The following OSBPL10 variants were observed in gnomAD, a reference collection of about 807,000 sequenced individuals.
The protein encoded by OSBPL10 is oxysterol-binding protein-related protein 10.
OSBPL10 carries 49 observed loss-of-function variants against 81.7 expected under a neutral mutation model. The ratio of observed to expected loss-of-function variants is 0.60; its 90% CI spans 0.48 to 0.76. The LOEUF (loss-of-function observed/expected upper bound fraction) is 0.76, where lower values mean the gene tolerates loss of function less well. Ranked by LOEUF, OSBPL10 falls within the 30% of genes least tolerant of loss-of-function variation. The probability of loss-of-function intolerance (pLI) is 0.00; values close to 1 mark genes in which losing one functional copy is unlikely to be tolerated. For synonymous variants in OSBPL10, 419 were observed against 383.6 expected, an observed-to-expected ratio of 1.09 and a Z score of -1.08; for missense variants, 923 against 987.8, an observed-to-expected ratio of 0.93 and a Z score of 0.88.
intron 1 of OSBPL10, among the ~76,000 whole-genome samples, chr3:31,902,723 T>C (rs894126570): frequency 1.3e-5 from 2 of 152,120 alleles, no homozygotes; most frequent in Non-Finnish European, 2.9e-5. Flanking sequence ...CCACCACGCC[T>C]GGCTAATTTT....
chr3:31,702,120 T>C (rs1695913391), intron 7 of OSBPL10, among the ~76,000 whole-genome samples: 1 of 152,092 alleles, frequency 6.6e-6, no homozygotes, highest in Non-Finnish European at 1.5e-5. Context: ...CCTTGTAGAG[T>C]AGCAACAACT....
At chr3:31,965,851 A>ATAGATTATATATATTATATAAAT (rs1467396829) in intron 1 of OSBPL10, among the ~76,000 whole-genome samples, 1 of 61,726 alleles carries the variant, frequency 1.6e-5, no homozygotes, top group Non-Finnish European at 2.6e-5. Flanking sequence ...ATTATATAAA[A>ATAGATTATATATATTATATAAAT]AGATAATATA....
intron 4 of OSBPL10, among the ~76,000 whole-genome samples, chr3:31,827,055 T>A (rs1700118560): frequency 6.6e-6 from 1 of 152,104 alleles, no homozygotes; most frequent in African/African-American, 2.4e-5. Context: ...CCAAACCAAA[T>A]GGCTATAGAG....
chr3:32,065,380 T>G lies in OSBPL10; in HGVS notation n.185+12016A>C, dbSNP rs1212954686. On this transcript the variant is annotated intron_variant and non_coding_transcript_variant, in intron 1 of 3. Coordinates refer to the OSBPL10 transcript ENST00000479173. Reference sequence around the variant, plus strand: ...GAAATATGCTCAGATCTGGGTTTCATAAAGCGCTGGAGGTATGTGACCTAC... The same window carrying G: ...GAAATATGCTCAGATCTGGGTTTCAGAAAGCGCTGGAGGTATGTGACCTAC... 2 of 92,330 alleles carry G rather than the reference T, an allele frequency of 2.2e-5. 1 individual carries two copies. Among genetic ancestry groups the G allele is most frequent in the Non-Finnish European group, 5.8e-5 (2 of 34,494 alleles). The allele number at this position is 92,330 out of a possible 1,614,324, so 5.7% of individuals were successfully genotyped here.
chr3:31,920,247 ATT>A (rs1559518492), intron 1 of OSBPL10, among the ~76,000 whole-genome samples: 1 of 152,330 alleles, frequency 6.6e-6, no homozygotes, highest in East Asian at 1.9e-4. Flanking sequence ...TGTGACATGC[ATT>A]TGTCAAAATT....
At chr3:31,783,372 T>G (rs1467395817) in intron 4 of OSBPL10, among the ~76,000 whole-genome samples, 1 of 151,512 alleles carries the variant, frequency 6.6e-6, no homozygotes, top group African/African-American at 2.4e-5. Flanking sequence ...GTTGGGACAG[T>G]GAGGAAATAA....
At chr3:31,744,067 AGTGGGTAGCATAG>A (rs1697443379) in intron 5 of OSBPL10, among the ~76,000 whole-genome samples, 1 of 152,154 alleles carries the variant, frequency 6.6e-6, no homozygotes, top group South Asian at 2.1e-4. Context: ...GCTTTCCCCC[AGTGGGTAGCATAG>A]ATTTAAGACA....
intron 2 of OSBPL10, chr3:31,990,800 C>G (rs759351448): frequency 1.2e-6 from 2 of 1,608,758 alleles, no homozygotes; most frequent in Middle Eastern, 1.7e-4. Flanking sequence ...TTTGACGAGG[C>G]CTTCAGTCAA....
chr3:32,006,894 A>C (rs1699211416), intron 2 of OSBPL10, among the ~76,000 whole-genome samples: 1 of 152,044 alleles, frequency 6.6e-6, no homozygotes, highest in African/African-American at 2.4e-5. Context: ...CTATTCATGG[A>C]TATTTCCTCT....
chr3:32,019,807 A>T (rs1699345930), intron 2 of OSBPL10, among the ~76,000 whole-genome samples: 1 of 152,240 alleles, frequency 6.6e-6, no homozygotes, highest in Non-Finnish European at 1.5e-5. Flanking sequence ...CTCCATGATC[A>T]ATAGCTTCAA....
intron 1 of OSBPL10, among the ~76,000 whole-genome samples, chr3:31,920,356 C>T (rs887341013): frequency 2.6e-5 from 4 of 152,082 alleles, no homozygotes; most frequent in African/African-American, 4.8e-5. Flanking sequence ...AAGAACCCAG[C>T]CTGTGACAAA....
At chr3:31,939,401 C>T (rs1292722395) in intron 1 of OSBPL10, among the ~76,000 whole-genome samples, 1 of 151,762 alleles carries the variant, frequency 6.6e-6, no homozygotes, top group Non-Finnish European at 1.5e-5. Context: ...CCCTAGCTTC[C>T]CAAAGTGCTG....
intron 1 of OSBPL10, among the ~76,000 whole-genome samples, chr3:31,888,092 T>G (rs1344056342): frequency 6.6e-6 from 1 of 151,996 alleles, no homozygotes; most frequent in Non-Finnish European, 1.5e-5. Context: ...AGCTGTAGTA[T>G]CCAAAACAGC....
At chr3:32,022,734 C>T (rs1042318709) in intron 2 of OSBPL10, among the ~76,000 whole-genome samples, 2 of 151,804 alleles carry the variant, frequency 1.3e-5, no homozygotes, top group African/African-American at 4.8e-5. Context: ...GCCAAGATTG[C>T]ACACACTGCA....
intron 3 of OSBPL10, among the ~76,000 whole-genome samples, chr3:31,831,535 T>C (rs1188362128): frequency 1.3e-5 from 2 of 151,312 alleles, no homozygotes; most frequent in Non-Finnish European, 2.9e-5. Flanking sequence ...AGCCCAACTA[T>C]AAACTAGGAA....
intron 1 of OSBPL10, among the ~76,000 whole-genome samples, chr3:31,926,406 A>G (rs1459259373): frequency 6.6e-6 from 1 of 151,870 alleles, no homozygotes; most frequent in African/African-American, 2.4e-5. Flanking sequence ...TCTACAATAT[A>G]CAGGCTAGTT....
intron 2 of OSBPL10, among the ~76,000 whole-genome samples, chr3:32,007,821 C>T (rs1041417533): frequency 1.3e-5 from 2 of 152,048 alleles, no homozygotes; most frequent in African/African-American, 4.8e-5. Flanking sequence ...ATTCTCCTGC[C>T]TCAGCCTCCC....
intron 4 of OSBPL10, among the ~76,000 whole-genome samples, chr3:31,786,925 C>A (rs935432695): frequency 6.6e-6 from 1 of 152,136 alleles, no homozygotes; most frequent in African/African-American, 2.4e-5. Context: ...TCTGAACCAG[C>A]GCACCTCCTT....
At chr3:32,047,755 C>T (rs557813262) in intron 1 of OSBPL10, among the ~76,000 whole-genome samples, 24 of 151,926 alleles carry the variant, frequency 1.6e-4, no homozygotes, top group African/African-American at 3.4e-4. Context: ...CTCCGCCTCC[C>T]GGGTTCACAC....
Sources: allele counts gnomAD v4.1 joint callset (sites outside exome capture counted in the v4.1 genomes callset), GRCh38; gene constraint gnomAD v4.1.1; transcripts MANE v1.5; gene names NCBI Gene and HGNC (gene_info 2026-07-23, HGNC 2026-07-21).